SBNO2: variants seen among roughly 807,000 people sequenced by gnomAD.
SBNO2 encodes the protein strawberry notch homolog 2.
A neutral mutation model predicts 146.3 loss-of-function variants in SBNO2; 89 were observed. The ratio of observed to expected loss-of-function variants is 0.61; its 90% confidence interval spans 0.51 to 0.73. The LOEUF (loss-of-function observed/expected upper bound fraction) is 0.73, where lower values mean the gene tolerates loss of function less well. SBNO2 is among the 30% of genes least tolerant of loss of function. SBNO2 has a pLI of 0.00. For missense variants in SBNO2, 2,092 were observed against 2,003.7 expected, an observed-to-expected ratio of 1.04 and a Z score of -0.84; for synonymous variants, 1,147 against 892.6, an observed-to-expected ratio of 1.29 and a Z score of -5.08.
chr19:1,112,074 G>A lies in SBNO2; in HGVS notation c.2629-7C>T, dbSNP rs754371601. The A allele has an allele frequency of 5.6e-6, 9 of 1,612,122 alleles. No homozygotes were observed. In the African/African-American group the frequency reaches 9.3e-5, roughly 17 times the overall value. On this transcript the variant is annotated splice_region_variant and splice_polypyrimidine_tract_variant and intron_variant, in intron 22 of 31. Transcript: ENST00000361757. The surrounding 1 kb of genome is among the most constrained non-coding windows in gnomAD (Gnocchi z 5.9). ...CTCCGTGGGTCAGGGCCCCCTGCCA[G>A]GGGTGGGGAGGCCATCAGTTGGTCA...
At chr19:1,159,686 T>C (rs1479898626) in intron 1 of SBNO2, among the ~76,000 whole-genome samples, 18 of 42,854 alleles carry the variant, frequency 4.2e-4, no homozygotes, top group Non-Finnish European at 7.3e-4. Flanking sequence ...TGGGGGATAG[T>C]GGGGGGGCAG....
rs2079780239 is a variant in SBNO2 at position 1,112,697 on chromosome 19, C to T, written c.2379+121G>A. Reference sequence around the variant, plus strand: ...ACACCACCCGCCACACGGCCACTCGCGCCCGCACCTGGCACACACACACTC... The same window carrying T: ...ACACCACCCGCCACACGGCCACTCGTGCCCGCACCTGGCACACACACACTC... On this transcript the variant is annotated intron_variant, in intron 20 of 31. Coordinates refer to ENST00000361757, the MANE Select transcript of SBNO2 (RefSeq NM_014963.3). This position sits in a 1 kb window ranked among gnomAD's most constrained non-coding sequence, Gnocchi z 5.9. The T allele has an allele frequency of 2.1e-6, 3 of 1,442,146 alleles. No individual in the cohort carries two copies. The highest frequency in any genetic ancestry group is 1.8e-6 in the Non-Finnish European group (2 of 1,092,162). The allele number at this position is 1,442,146 out of a possible 1,614,324, so 89.3% of individuals were successfully genotyped here. A position where few individuals can be genotyped will look rare whatever the true frequency, so the allele number is the denominator to read the frequency against.
chr19:1,160,394 C>T (rs1399754909), intron 1 of SBNO2, among the ~76,000 whole-genome samples: 1 of 152,200 alleles, frequency 6.6e-6, no homozygotes, highest in Non-Finnish European at 1.5e-5. Flanking sequence ...GGCGGCCTCA[C>T]AGGAGGCCCA....
At position 1,113,660 on chromosome 19, in the gene SBNO2, G is replaced by T. The variant is rs752502525; in HGVS notation, c.2122C>A (p.Leu708Met). 2.5e-6 allele frequency: 4 copies of T among 1,596,998 alleles called. No homozygotes were observed. The highest frequency in any genetic ancestry group is 3.4e-6 in the Non-Finnish European group (4 of 1,172,956). ...TGCTTCAGCCGCTCCACCCGCTCCAGGACCCCGGGGCCATGCGGGTCTCTC... is the reference window on the plus strand; with the variant it reads ...TGCTTCAGCCGCTCCACCCGCTCCATGACCCCGGGGCCATGCGGGTCTCTC... The part of the protein sequence containing the change: ...LQRDPHGPGV[L>M]ERVERLKQDL... The change falls in exon 19 of 32, where the codon CTG (leucine) becomes ATG (methionine). Residue 708 changes from leucine (L) to methionine (M), a missense_variant. Coordinates refer to ENST00000361757, the MANE Select transcript of SBNO2 (RefSeq NM_014963.3).
Position 1,149,423 on chromosome 19 carries a change from G to T in SBNO2, c.113C>A (p.Pro38His). 1 of 1,552,270 alleles carries T rather than the reference G, an allele frequency of 6.4e-7. No individual in the cohort carries two copies. Among genetic ancestry groups the T allele is most frequent in the East Asian group, 2.4e-5 (1 of 41,132 alleles). The change falls in exon 3 of 32, where the codon CCC becomes CAC. Residue 38 changes from proline (P) to histidine (H), a missense_variant. By Grantham distance (77) the Pro-to-His change is moderately conservative (BLOSUM62 -2). Coordinates refer to ENST00000361757, the MANE Select transcript of SBNO2 (RefSeq NM_014963.3). ...PPLQSAMLHC[P>H]YWNTFSLPPY... The stretch of plus-strand genomic sequence containing the variant: ...CGGCAGCGAGAAGGTGTTCCAGTAG[G>T]GGCAGTGCAGCATGGCGCTCTAGAA...
chr19:1,108,640 G>T lies in SBNO2; in HGVS notation c.3681C>A (p.Asp1227Glu). ...VLQELRLMDA[D>E]VKRRQAPALG... is the part of the protein sequence containing the mutation. ...GGGCGGGCGCCTGCCTGCGCTTCAC[G>T]TCCGCATCCATCAGCCGCAGCTCCT... The change falls in exon 32 of 32, where the codon GAC becomes GAA. Residue 1227 changes from aspartate to glutamate, a missense_variant. Coordinates refer to ENST00000361757, the MANE Select transcript of SBNO2 (RefSeq NM_014963.3). 6.6e-7 allele frequency: 1 copy of T among 1,506,838 alleles called. No individual in the cohort carries two copies. The highest frequency in any genetic ancestry group is 8.8e-7 in the Non-Finnish European group (1 of 1,135,264). 93.3% of individuals were successfully genotyped at this position (1,506,838 alleles called of 1,614,324 possible). A position where few individuals can be genotyped will look rare whatever the true frequency, so the allele number is the denominator to read the frequency against.
rs765371439 is a variant in SBNO2, at chr19:1,123,534, A to C, written c.628T>G (p.Ser210Ala). ...ETYADYVPSK[S>A]KIGKQHPDRV... ...GGCTGGGTGCAGCCGGGCCACTCAC[A>C]CTTGGACGGCACGTAGTCGGCGTAG... is the stretch of plus-strand genomic sequence containing the variant. The change falls in exon 7 of 32, where the codon TCC becomes GCC. Residue 210 changes from serine (S) to alanine (A), a missense_variant and splice_region_variant. Transcript: ENST00000361757. The C allele has an allele frequency of 1.9e-6, 3 of 1,612,784 alleles. No homozygotes were observed. The highest frequency in any genetic ancestry group is 2.5e-6 in the Non-Finnish European group (3 of 1,179,482).
chr19:1,119,989 G>A lies in SBNO2; in HGVS notation c.1184C>T (p.Ala395Val). 6.4e-7 allele frequency: 1 copy of A among 1,551,512 alleles called. No individual in the cohort carries two copies. Residue 395 changes from alanine (A) to valine (V), a missense_variant, in exon 12 of 32, where the codon GCC (alanine) becomes GTC (valine). Transcript: ENST00000361757. ...VFDECHKAKNAGSTKMGKAVL... is the reference protein window; with the variant it reads ...VFDECHKAKNVGSTKMGKAVL... ...AGCCTTGCCCATCTTGGTGGAGCCG[G>A]CATTCTTGGCTTTGTGACACTCGTC...
chr19:1,147,278 C>T, intron 4 of SBNO2, 31 bp downstream of exon 4: 1 of 1,461,102 alleles, frequency 6.8e-7, no homozygotes, highest in Non-Finnish European at 9.4e-7. Flanking sequence ...ACCCTGCCCC[C>T]CACGGCGCGG....
At position 1,109,308 on chromosome 19, in the gene SBNO2, C is replaced by T. The variant is rs768512524; in HGVS notation, c.3332G>A (p.Arg1111His). 4 of 1,596,548 alleles carry T rather than the reference C, an allele frequency of 2.5e-6. No individual in the cohort carries two copies. Among genetic ancestry groups the T allele is most frequent in the African/African-American group, 2.7e-5 (2 of 74,656 alleles). The change falls in exon 29 of 32, where the codon CGC becomes CAC. Residue 1111 changes from arginine (R) to histidine (H), a missense_variant. Physicochemically the swap from Arg to His is conservative, Grantham distance 29. Transcript: ENST00000361757. The surrounding 1 kb of genome is among the most constrained non-coding windows in gnomAD (Gnocchi z 4.2). ...GCCGCCTACCCGGTGGAACTTGCGG[C>T]GGAGGCTGTCCAGGGCCTCCAGCTG... ...QSQLEALDSL[R>H]RKFHRVTAEE...
rs765583526 is a variant in SBNO2, at chr19:1,109,264, G to A, written c.3348+28C>T. ...GGCGGGGTCAGGGCCGGCAACCCGA[G>A]CGAAAGCTGCGCCCGGCGGCCGCCT... On this transcript the variant is annotated intron_variant, in intron 29 of 31. Transcript: ENST00000361757. This position sits in a 1 kb window ranked among gnomAD's most constrained non-coding sequence, Gnocchi z 4.2. 2.5e-6 allele frequency: 4 copies of A among 1,582,118 alleles called. No individual in the cohort carries two copies. In the South Asian group the frequency reaches 3.4e-5, roughly 14 times the overall value.
Position 1,119,035 on chromosome 19 carries a change from G to T in SBNO2, c.1503C>A (p.Cys501Ter). 1.2e-6 allele frequency: 2 copies of T among 1,602,398 alleles called. No homozygotes were observed. The highest frequency in any genetic ancestry group is 8.5e-7 in the Non-Finnish European group (1 of 1,176,736). ...EEIPLAPAFE[C>*]VYNRAALLWA... ...CCAGCAGGGCCGCGCGGTTGTAGAC[G>T]CACTCGAAGGCTGGGGCCAGCGGGA... Residue 501 changes from cysteine (C) to a stop codon, truncating the protein, a stop_gained, in exon 14 of 32, where the codon TGC (cysteine) becomes TGA (stop). Coordinates refer to ENST00000361757, the MANE Select transcript of SBNO2 (RefSeq NM_014963.3). LOFTEE classifies it high-confidence loss of function.
intron 11 of SBNO2, among the ~76,000 whole-genome samples, chr19:1,121,535 A>C (rs1224484320): frequency 6.6e-6 from 1 of 152,126 alleles, no homozygotes; most frequent in Non-Finnish European, 1.5e-5. Flanking sequence ...CCAACACCCA[A>C]GGTGCACCCT....
At chr19:1,163,498 A>AG (rs951814366) in intron 1 of SBNO2, among the ~76,000 whole-genome samples, 4 of 152,114 alleles carry the variant, frequency 2.6e-5, no homozygotes, top group Admixed American at 2.6e-4. Context: ...TCCAGGGAGG[A>AG]GGCTGCTCCA....
intron 4 of SBNO2, among the ~76,000 whole-genome samples, chr19:1,135,087 G>A (rs140509352): frequency 0.014 from 2,056 of 144,976 alleles, 28 homozygotes; most frequent in Non-Finnish European, 0.021. Context: ...TTGGCCGAGC[G>A]TAGTGGCTCA....
chr19:1,122,937 G>A lies in SBNO2; in HGVS notation c.737C>T (p.Ala246Val), dbSNP rs919308019. The change falls in exon 8 of 32, where the codon GCC (alanine) becomes GTC (valine). Residue 246 changes from alanine (A) to valine (V), a missense_variant. Transcript: ENST00000361757. ...GGCCTCTAGCTGCAGGGCAGACAGGGCCCCGCTGTCCGAGGGCAGGGCCAG... is the reference window on the plus strand; with the variant it reads ...GGCCTCTAGCTGCAGGGCAGACAGGACCCCGCTGTCCGAGGGCAGGGCCAG... ...YTLALPSDSG[A>V]LSALQLEAIT... The A allele has an allele frequency of 2.6e-6, 4 of 1,558,502 alleles. No individual in the cohort carries two copies. In the African/African-American group the frequency reaches 4.1e-5, roughly 16 times the overall value.
At chr19:1,146,225 A>C (rs11084885) in intron 4 of SBNO2, among the ~76,000 whole-genome samples, 1 of 151,938 alleles carries the variant, frequency 6.6e-6, no homozygotes, top group Non-Finnish European at 1.5e-5. Context: ...CACAGACTCT[A>C]CTGGGGAGGC....
At chr19:1,133,621 G>T (rs1289961512) in intron 4 of SBNO2, among the ~76,000 whole-genome samples, 1 of 152,200 alleles carries the variant, frequency 6.6e-6, no homozygotes, top group African/African-American at 2.4e-5. Flanking sequence ...CCGCTGGGGC[G>T]AGGGGCCCGC....
rs987467453 is a variant in SBNO2 at position 1,140,840 on chromosome 19, G to A, written c.279+6469C>T. ...AGGAAATGGATGGTGAAGGAACCCC[G>A]TCCCCGCCAAGCGGCCAAAGTTACC... On this transcript the variant is annotated intron_variant, in intron 4 of 31. Transcript: ENST00000361757. This position sits in a 1 kb window ranked among gnomAD's most constrained non-coding sequence, Gnocchi z 4.4. Among the ~76,000 whole-genome samples the A allele has an allele frequency of 5.3e-5, 8 of 152,056 alleles. No individual in the cohort carries two copies. The highest frequency in any genetic ancestry group is 3.3e-4 in the Admixed American group (5 of 15,284).
Sources: allele counts gnomAD v4.1 joint callset (sites outside exome capture counted in the v4.1 genomes callset), GRCh38; gene constraint gnomAD v4.1.1; non-coding constraint Gnocchi (gnomAD v3.1); transcripts MANE v1.5; gene names NCBI Gene and HGNC (gene_info 2026-07-23, HGNC 2026-07-21).